The following SRGAP1 variants were observed in gnomAD, a reference collection of about 807,000 sequenced individuals.
SRGAP1 encodes SLIT-ROBO Rho GTPase-activating protein 1.
In SRGAP1, 43 loss-of-function variants were observed where a neutral mutation model predicts 121.9. That is an observed-to-expected ratio of 0.35 (90% CI 0.28 to 0.46). SRGAP1 has a LOEUF of 0.46. Among genes scored for constraint, SRGAP1 ranks in the 20% least tolerant of loss-of-function variants. The pLI is 1.00. For synonymous variants in SRGAP1, 447 were observed against 485.4 expected (o/e 0.92, Z 1.04); for missense variants, 1,102 against 1,350.9 (o/e 0.82, Z 2.89).
Position 63,946,737 on chromosome 12 carries a change from G to A in SRGAP1, c.68-37210G>A, listed in dbSNP as rs548357732. On this transcript the variant is annotated intron_variant, in intron 1 of 21. Coordinates refer to ENST00000355086, the MANE Select transcript of SRGAP1 (RefSeq NM_020762.4). ...TTTTTCTATTTTTAGTAGAGACGGG[G>A]TTTCTCCATGCTGGCTAGGCTAGTC... Among the ~76,000 whole-genome samples, 220 of 152,036 alleles carry A rather than the reference G, an allele frequency of 1.4e-3. 1 individual carries two copies. The highest frequency in any genetic ancestry group is 5.0e-3 in the African/African-American group (209 of 41,478).
intron 18 of SRGAP1, 51 bp downstream of exon 18, chr12:64,115,944 T>TA (rs1333402661): frequency 5.4e-6 from 8 of 1,492,810 alleles, no homozygotes; most frequent in Admixed American, 1.9e-5. Context: ...ATCCCTATTG[T>TA]AAACAATTGC....
At chr12:63,957,430 A>G (rs1224789381) in intron 1 of SRGAP1, among the ~76,000 whole-genome samples, 2 of 152,178 alleles carry the variant, frequency 1.3e-5, no homozygotes, top group Non-Finnish European at 2.9e-5. Flanking sequence ...ACCCATAACT[A>G]TGATGGGACA....
At position 64,161,866 on chromosome 12, in the gene SRGAP1, G is replaced by A. The variant is rs1185950299; in HGVS notation, c.*19194G>A. 1 of 152,200 alleles carries A rather than the reference G, an allele frequency of 6.6e-6. No individual in the cohort carries two copies. Among genetic ancestry groups the A allele is most frequent in the Non-Finnish European group, 1.5e-5 (1 of 68,040 alleles). 9.4% of individuals were successfully genotyped at this position (152,200 alleles called of 1,614,324 possible). Reference sequence around the variant, plus strand: ...AGCAAATGTGGTATATTGATACAATGGAATACTATTCTGTAATGAAGATGG... The same window carrying A: ...AGCAAATGTGGTATATTGATACAATAGAATACTATTCTGTAATGAAGATGG... On this transcript the variant is annotated 3_prime_UTR_variant, in exon 22 of 22. Transcript: ENST00000355086.
intron 21 of SRGAP1, among the ~76,000 whole-genome samples, chr12:64,137,330 GTC>G (rs887103505): frequency 2.6e-5 from 4 of 151,524 alleles, no homozygotes; most frequent in Admixed American, 2.6e-4. Flanking sequence ...CTCTGCACAT[GTC>G]TCTGAGGTAA....
intron 1 of SRGAP1, among the ~76,000 whole-genome samples, chr12:63,879,853 A>G (rs530326226): frequency 7.9e-5 from 12 of 152,182 alleles, no homozygotes; most frequent in Non-Finnish European, 1.5e-4. Context: ...ATTTGAGGTA[A>G]CTGGAGATCT....
intron 1 of SRGAP1, among the ~76,000 whole-genome samples, chr12:63,891,562 C>CACAT (rs1413599637): frequency 2.6e-5 from 4 of 152,156 alleles, no homozygotes; most frequent in Non-Finnish European, 1.5e-5. Context: ...TAAATCCCTT[C>CACAT]ACATACTGCT....
intron 1 of SRGAP1, among the ~76,000 whole-genome samples, chr12:63,893,947 T>G (rs1198636617): frequency 6.6e-6 from 1 of 152,222 alleles, no homozygotes; most frequent in East Asian, 1.9e-4. Flanking sequence ...CAAGTGATTC[T>G]CCTGCCTCGG....
At chr12:64,103,124 C>T (rs766537891) in intron 15 of SRGAP1, among the ~76,000 whole-genome samples, 11 of 152,030 alleles carry the variant, frequency 7.2e-5, no homozygotes, top group Non-Finnish European at 1.6e-4. Flanking sequence ...GGACCACAGG[C>T]GTGCACCACC....
intron 15 of SRGAP1, among the ~76,000 whole-genome samples, chr12:64,099,428 A>C (rs1452893380): frequency 1.3e-5 from 2 of 152,174 alleles, no homozygotes; most frequent in East Asian, 1.9e-4. Context: ...TGTTAAGTTA[A>C]ATAGAATTTA....
chr12:64,080,389 A>G lies in SRGAP1; in HGVS notation c.1408+19A>G. 6.4e-7 allele frequency: 1 copy of G among 1,559,248 alleles called. No homozygotes were observed. Among genetic ancestry groups the G allele is most frequent in the Non-Finnish European group, 8.8e-7 (1 of 1,130,636 alleles). On this transcript the variant is annotated intron_variant, in intron 10 of 21. Transcript: ENST00000355086. ...GGAGAAGGTGAGTTATCCAAAATGT[A>G]TGGGAAGATGACCTGGATGATACAT...
intron 8 of SRGAP1, among the ~76,000 whole-genome samples, chr12:64,073,108 A>C (rs1364586973): frequency 6.6e-6 from 1 of 151,940 alleles, no homozygotes; most frequent in African/African-American, 2.4e-5. Context: ...CCCCCCTGAG[A>C]CTTATTAATA....
Position 64,127,671 on chromosome 12 carries a change from A to AT in SRGAP1, c.2488dup (p.Ser830PhefsTer13). On this transcript the variant is annotated frameshift_variant, in exon 20 of 22. Coordinates refer to ENST00000355086, the MANE Select transcript of SRGAP1 (RefSeq NM_020762.4). LOFTEE classifies it high-confidence loss of function. ...GGCCAGTCACGGAAGACAAGTCCTC[A>AT]TCCAAGGACATGAACTCCCCGACAG... The AT allele has an allele frequency of 6.2e-7, 1 of 1,614,150 alleles. No individual in the cohort carries two copies. The highest frequency in any genetic ancestry group is 8.5e-7 in the Non-Finnish European group (1 of 1,180,010).
At position 64,157,102 on chromosome 12, in the gene SRGAP1, G is replaced by A. The variant is rs2136668747; in HGVS notation, c.*14430G>A. 1 of 152,266 alleles carries A rather than the reference G, an allele frequency of 6.6e-6. No individual in the cohort carries two copies. Among genetic ancestry groups the A allele is most frequent in the South Asian group, 2.1e-4 (1 of 4,828 alleles). 9.4% of individuals were successfully genotyped at this position (152,266 alleles called of 1,614,324 possible). On this transcript the variant is annotated 3_prime_UTR_variant, in exon 22 of 22. Coordinates refer to ENST00000355086, the MANE Select transcript of SRGAP1 (RefSeq NM_020762.4). ...GTACACACGCCTTCCCATAGAGTGA[G>A]GTGGCTTTCCCACCCCTCAACACTC...
At chr12:64,056,017 T>G (rs1335181598) in intron 6 of SRGAP1, among the ~76,000 whole-genome samples, 1 of 151,982 alleles carries the variant, frequency 6.6e-6, no homozygotes, top group Non-Finnish European at 1.5e-5. Flanking sequence ...AAAACACAAC[T>G]ATTTATATCC....
At chr12:63,876,365 T>C (rs1900028832) in intron 1 of SRGAP1, among the ~76,000 whole-genome samples, 1 of 152,188 alleles carries the variant, frequency 6.6e-6, no homozygotes, top group Non-Finnish European at 1.5e-5. Flanking sequence ...ATCAGAACCT[T>C]GTAGCCTGTT....
At chr12:64,086,642 C>T (rs2035944474) in intron 10 of SRGAP1, among the ~76,000 whole-genome samples, 1 of 148,882 alleles carries the variant, frequency 6.7e-6, no homozygotes, top group Non-Finnish European at 1.5e-5. Flanking sequence ...TAACTAACAT[C>T]TAAATCTTGG....
intron 14 of SRGAP1, among the ~76,000 whole-genome samples, chr12:64,095,931 G>A (rs940119498): frequency 1.3e-5 from 2 of 152,144 alleles, no homozygotes; most frequent in Admixed American, 6.5e-5. Flanking sequence ...ACACTTTCGT[G>A]TCAGGCAGAC....
intron 1 of SRGAP1, among the ~76,000 whole-genome samples, chr12:63,954,959 A>T (rs2032417831): frequency 6.6e-6 from 1 of 152,106 alleles, no homozygotes; most frequent in Non-Finnish European, 1.5e-5. Context: ...CCTTTTTTTT[A>T]AATTAAGCTT....
chr12:63,916,832 T>A (rs2030801119), intron 1 of SRGAP1, among the ~76,000 whole-genome samples: 1 of 152,134 alleles, frequency 6.6e-6, no homozygotes, highest in African/African-American at 2.4e-5. Flanking sequence ...GTGACAAAAA[T>A]TAAGTACTCT....
Sources: allele counts gnomAD v4.1 joint callset (sites outside exome capture counted in the v4.1 genomes callset), GRCh38; gene constraint gnomAD v4.1.1; transcripts MANE v1.5; gene names NCBI Gene and HGNC (gene_info 2026-07-23, HGNC 2026-07-21).